Variants in HSD11B1 observed in about 807,000 individuals in gnomAD.
The protein encoded by HSD11B1 is hydroxysteroid 11-beta dehydrogenase 1.
HSD11B1 carries 15 observed loss-of-function variants against 22.1 expected under a neutral mutation model. That is an observed-to-expected ratio of 0.68 (90% CI 0.45 to 1.04). The LOEUF (loss-of-function observed/expected upper bound fraction) is 1.04. Ranked by LOEUF, HSD11B1 falls within the 50% of genes least tolerant of loss-of-function variation. The pLI, the probability that HSD11B1 is intolerant of heterozygous loss-of-function variation, is 0.00. For missense variants in HSD11B1, 281 were observed against 357.6 expected, an observed-to-expected ratio of 0.79 and a Z score of 1.73; for synonymous variants, 122 against 125.2, an observed-to-expected ratio of 0.97 and a Z score of 0.17.
intron 4 of HSD11B1, among the ~76,000 whole-genome samples, chr1:209,720,472 C>T (rs1039860361): frequency 1.3e-5 from 2 of 151,678 alleles, no homozygotes; most frequent in African/African-American, 2.4e-5. Flanking sequence ...ATGTAATCAA[C>T]ACTCCCATGA....
intron 1 of HSD11B1, among the ~76,000 whole-genome samples, chr1:209,697,022 A>C (rs556587883): frequency 6.6e-6 from 1 of 152,330 alleles, no homozygotes; most frequent in Admixed American, 6.5e-5. Context: ...GAGTTCTGGG[A>C]TGGGGATGAA....
At chr1:209,727,109 C>T (rs910284431) in intron 4 of HSD11B1, among the ~76,000 whole-genome samples, 4 of 152,100 alleles carry the variant, frequency 2.6e-5, no homozygotes, top group African/African-American at 7.2e-5. Flanking sequence ...AATCCAATGA[C>T]AAGTAACCTT....
upstream of HSD11B1, among the ~76,000 whole-genome samples, chr1:209,700,713 G>T (rs925955943): frequency 3.3e-5 from 5 of 152,136 alleles, no homozygotes; most frequent in Admixed American, 6.6e-5. Flanking sequence ...GAACTTTTAT[G>T]CTAGTTTTCC....
chr1:209,695,751 G>A (rs2076786975), intron 1 of HSD11B1, among the ~76,000 whole-genome samples: 1 of 152,146 alleles, frequency 6.6e-6, no homozygotes, highest in African/African-American at 2.4e-5. Flanking sequence ...AGGTTGTGGT[G>A]AGCCAAGATC....
intron 1 of HSD11B1, among the ~76,000 whole-genome samples, chr1:209,698,155 AAGAT>A (rs969572337): frequency 1.6e-4 from 24 of 146,556 alleles, no homozygotes; most frequent in Admixed American, 4.2e-4. Flanking sequence ...ATAGGTAGAT[AAGAT>A]AGATAGATTA....
chr1:209,704,879 G>A lies in HSD11B1; in HGVS notation c.-64G>A. The A allele has an allele frequency of 1.6e-6, 2 of 1,276,782 alleles. No individual in the cohort carries two copies. The highest frequency in any genetic ancestry group is 1.7e-5 in the Admixed American group (1 of 59,328). 79.1% of individuals were successfully genotyped at this position (1,276,782 alleles called of 1,614,324 possible). A position where few individuals can be genotyped will look rare whatever the true frequency, so the allele number is the denominator to read the frequency against. On this transcript the variant is annotated 5_prime_UTR_variant, in exon 1 of 6. Coordinates refer to ENST00000367027, the MANE Select transcript of HSD11B1 (RefSeq NM_005525.4). ...GAGGCTGCTGCCTGCTTAGGAGGTT[G>A]TAGAAAGCTCTGTAGGTTCTCTCTG...
intron 4 of HSD11B1, among the ~76,000 whole-genome samples, chr1:209,727,389 G>A (rs752826611): frequency 1.1e-4 from 17 of 152,172 alleles, no homozygotes; most frequent in Admixed American, 5.2e-4. Context: ...GGCAGCCCAG[G>A]GAAATGAATA....
At chr1:209,688,384 T>C (rs538958887) in intron 1 of HSD11B1, among the ~76,000 whole-genome samples, 25 of 152,306 alleles carry the variant, frequency 1.6e-4, no homozygotes, top group Non-Finnish European at 5.9e-5. Flanking sequence ...ATTCCTATTA[T>C]AGTATACATC....
chr1:209,718,992 G>T lies in HSD11B1; in HGVS notation c.517+11864G>T, dbSNP rs1259184208. On this transcript the variant is annotated intron_variant, in intron 4 of 5. Coordinates refer to ENST00000367027, the MANE Select transcript of HSD11B1 (RefSeq NM_005525.4). ...CCAAGATCATGCCACTGCACTCCAG[G>T]CTGGGTGACACAGTGAGACTCCATC... 3.6e-5 allele frequency among the ~76,000 whole-genome samples: 4 copies of T among 109,854 alleles called. No homozygotes were observed. The East Asian group carries it at 9.7e-4, about 27-fold the overall frequency. 72.1% of individuals were successfully genotyped at this position (109,854 alleles called of 152,430 possible). A position where few individuals can be genotyped will look rare whatever the true frequency, so the allele number is the denominator to read the frequency against.
chr1:209,728,152 A>G (rs1017816605), intron 4 of HSD11B1, among the ~76,000 whole-genome samples: 1 of 152,168 alleles, frequency 6.6e-6, no homozygotes, highest in Non-Finnish European at 1.5e-5. Flanking sequence ...TATGCCTCCA[A>G]TTTCATGCTT....
chr1:209,706,403 C>T lies in HSD11B1; in HGVS notation c.220-306C>T, dbSNP rs2076859119. ...AACCTAGAGCTACCCACATAGTAAC[C>T]AGCATCTACACTCATAATGCCCTCA... On this transcript the variant is annotated intron_variant, in intron 2 of 5. Coordinates refer to ENST00000367027, the MANE Select transcript of HSD11B1 (RefSeq NM_005525.4). This position sits in a 1 kb window ranked among gnomAD's most constrained non-coding sequence, Gnocchi z 4.0. Among the ~76,000 whole-genome samples the T allele has an allele frequency of 6.6e-6, 1 of 152,128 alleles. No individual in the cohort carries two copies. The highest frequency in any genetic ancestry group is 2.4e-5 in the African/African-American group (1 of 41,408).
upstream of HSD11B1, among the ~76,000 whole-genome samples, chr1:209,700,622 A>G (rs1431547248): frequency 6.6e-6 from 1 of 152,238 alleles, no homozygotes; most frequent in African/African-American, 2.4e-5. Flanking sequence ...CTTGCTACGT[A>G]TGCAAATTTC....
chr1:209,727,364 G>T (rs1281216493), intron 4 of HSD11B1, among the ~76,000 whole-genome samples: 2 of 152,244 alleles, frequency 1.3e-5, no homozygotes, highest in East Asian at 1.9e-4. Context: ...TACCAAGTTT[G>T]TGGTAATTTG....
intron 4 of HSD11B1, among the ~76,000 whole-genome samples, chr1:209,729,687 C>A (rs559239021): frequency 6.6e-6 from 1 of 152,156 alleles, no homozygotes; most frequent in Non-Finnish European, 1.5e-5. Context: ...AAAGAGAAAA[C>A]CACAGGCCAA....
intron 4 of HSD11B1, among the ~76,000 whole-genome samples, chr1:209,731,777 C>T (rs900847132): frequency 1.3e-5 from 2 of 152,112 alleles, no homozygotes; most frequent in African/African-American, 4.8e-5. Context: ...TGCGGTGGCG[C>T]GATCTCAGCT....
chr1:209,692,146 G>T (rs1041637360), intron 1 of HSD11B1, among the ~76,000 whole-genome samples: 1 of 151,242 alleles, frequency 6.6e-6, no homozygotes, highest in African/African-American at 2.4e-5. Flanking sequence ...CTACCAACCA[G>T]TCAGCATGTT....
rs1216101478 is a variant in HSD11B1, at chr1:209,706,586, C to T, written c.220-123C>T. ...ATTAGGCAACACACACACAAACATA[C>T]TTACCATTTCTTACCTAAACAGGGC... On this transcript the variant is annotated intron_variant, in intron 2 of 5. Coordinates refer to ENST00000367027, the MANE Select transcript of HSD11B1 (RefSeq NM_005525.4). The surrounding 1 kb of genome is among the most constrained non-coding windows in gnomAD (Gnocchi z 4.0). 1 of 773,016 alleles carries T rather than the reference C, an allele frequency of 1.3e-6. No homozygotes were observed. The allele number at this position is 773,016 out of a possible 1,614,324, so 47.9% of individuals were successfully genotyped here. A position where few individuals can be genotyped will look rare whatever the true frequency, so the allele number is the denominator to read the frequency against.
chr1:209,711,577 G>T (rs1174748001), intron 4 of HSD11B1, among the ~76,000 whole-genome samples: 2 of 152,122 alleles, frequency 1.3e-5, no homozygotes, highest in Non-Finnish European at 2.9e-5. Context: ...GCACAGGGTT[G>T]AGCTGTGTGT....
At chr1:209,733,783 G>A (rs2077049954) in intron 5 of HSD11B1, among the ~76,000 whole-genome samples, 1 of 152,212 alleles carries the variant, frequency 6.6e-6, no homozygotes, top group African/African-American at 2.4e-5. Context: ...GGAATGGAGA[G>A]AGAGAGAGAA....
Sources: allele counts gnomAD v4.1 joint callset (sites outside exome capture counted in the v4.1 genomes callset), GRCh38; gene constraint gnomAD v4.1.1; non-coding constraint Gnocchi (gnomAD v3.1); transcripts MANE v1.5; gene names NCBI Gene and HGNC (gene_info 2026-07-23, HGNC 2026-07-21).